EPDR1: variants seen among roughly 807,000 people sequenced by gnomAD.
EPDR1 encodes the protein ependymin related 1.
EPDR1 carries 27 observed loss-of-function variants against 23.7 expected under a neutral mutation model. The observed-to-expected ratio is 1.14, with a 90% CI of 0.84 to 1.57. The LOEUF (loss-of-function observed/expected upper bound fraction) is 1.57. EPDR1 is among the 40% of genes most tolerant of loss of function. EPDR1 has a pLI of 0.00. For missense variants in EPDR1, 349 were observed against 290.4 expected (o/e 1.20, Z -1.47); for synonymous variants, 137 against 118.2 (o/e 1.16, Z -1.03).
intron 1 of EPDR1, among the ~76,000 whole-genome samples, chr7:37,927,034 C>T (rs1312667859): frequency 2.6e-5 from 4 of 152,218 alleles, no homozygotes; most frequent in Admixed American, 6.5e-5. Context: ...CCTTGCTTTC[C>T]GGCACAGCAA....
chr7:37,928,354 C>A (rs1438200019), intron 1 of EPDR1, among the ~76,000 whole-genome samples: 1 of 151,164 alleles, frequency 6.6e-6, no homozygotes, highest in Non-Finnish European at 1.5e-5. Context: ...TAAAAAATTT[C>A]TATTTTCCCC....
At chr7:37,923,857 A>C (rs1229151205) in intron 1 of EPDR1, among the ~76,000 whole-genome samples, 1 of 152,200 alleles carries the variant, frequency 6.6e-6, no homozygotes, top group African/African-American at 2.4e-5. Flanking sequence ...AAATGAGCTC[A>C]AGTGTATAAA....
At chr7:37,921,326 C>G (rs1486762550) in intron 1 of EPDR1, 118 bp downstream of exon 1, 4 of 1,429,268 alleles carry the variant, frequency 2.8e-6, no homozygotes, top group Non-Finnish European at 3.6e-6. Flanking sequence ...CTCCCTTCTC[C>G]CAGAGAGATC....
chr7:37,943,371 C>G (rs1192671659), intron 1 of EPDR1, among the ~76,000 whole-genome samples: 1 of 152,306 alleles, frequency 6.6e-6, no homozygotes, highest in Non-Finnish European at 1.5e-5. Flanking sequence ...TATTCCCGTA[C>G]AGCATCCCCA....
At chr7:37,921,414 GGC>G in intron 1 of EPDR1, 1 of 1,393,790 alleles carries the variant, frequency 7.2e-7, no homozygotes, top group Non-Finnish European at 9.3e-7. Flanking sequence ...GCGGCCTGCT[GGC>G]GGGGGACTCA....
At chr7:37,934,714 T>A (rs1786014645) in intron 1 of EPDR1, among the ~76,000 whole-genome samples, 1 of 152,074 alleles carries the variant, frequency 6.6e-6, no homozygotes, top group Admixed American at 6.5e-5. Flanking sequence ...GGGGCTGATG[T>A]GAGAGGATCA....
chr7:37,947,323 G>A (rs1423872006), intron 1 of EPDR1, among the ~76,000 whole-genome samples: 1 of 152,174 alleles, frequency 6.6e-6, no homozygotes, highest in African/African-American at 2.4e-5. Flanking sequence ...ATACTGTGTA[G>A]CCCTGTTGTG....
At chr7:37,949,663 C>T (rs1400936540) in intron 2 of EPDR1, among the ~76,000 whole-genome samples, 1 of 152,164 alleles carries the variant, frequency 6.6e-6, no homozygotes, top group African/African-American at 2.4e-5. Flanking sequence ...GATATTTGTA[C>T]ACCCATGTCC....
intron 1 of EPDR1, among the ~76,000 whole-genome samples, chr7:37,926,421 T>C (rs1787870528): frequency 6.8e-6 from 1 of 147,460 alleles, no homozygotes; most frequent in African/African-American, 2.5e-5. Flanking sequence ...ATTTTGACCA[T>C]CTGAAATTCA....
rs79929812 is a variant in EPDR1, at chr7:37,921,179, C to G, written c.240C>G (p.Asp80Glu). Residue 80 changes from aspartate (D) to glutamate (E), a missense_variant, in exon 1 of 3, where the codon GAC becomes GAG. Asp to Glu is a conservative substitution (Grantham distance 45). Transcript: ENST00000199448. Reference protein sequence around the residue: ...DGLNQRVRVLDERKALIPCKR... With the variant: ...DGLNQRVRVLEERKALIPCKR... Reference sequence around the variant, plus strand: ...TCAACCAGCGCGTGCGGGTGCTGGACGAGAGGAAGGCGCTGATCCCCTGCA... The same window carrying G: ...TCAACCAGCGCGTGCGGGTGCTGGAGGAGAGGAAGGCGCTGATCCCCTGCA... 306 of 1,592,006 alleles carry G rather than the reference C, an allele frequency of 1.9e-4. No individual in the cohort carries two copies. In the African/African-American group the frequency reaches 3.7e-3, roughly 19 times the overall value.
At chr7:37,921,281 T>A in intron 1 of EPDR1, 73 bp downstream of exon 1, 1 of 1,500,016 alleles carries the variant, frequency 6.7e-7, no homozygotes, top group East Asian at 2.5e-5. Context: ...CGCAGAGGCC[T>A]GCGCCCTGTA....
chr7:37,931,626 C>A (rs920490707), intron 1 of EPDR1, among the ~76,000 whole-genome samples: 1 of 151,876 alleles, frequency 6.6e-6, no homozygotes, highest in African/African-American at 2.4e-5. Flanking sequence ...TTTCTATTAT[C>A]CTTGAATTTT....
At chr7:37,926,624 G>A in intron 1 of EPDR1, 1 of 449,136 alleles carries the variant, frequency 2.2e-6, no homozygotes, top group Non-Finnish European at 4.5e-6. Context: ...TTTGTAGAAT[G>A]TTCCTTGATT....
At chr7:37,934,303 C>T (rs999325969) in intron 1 of EPDR1, among the ~76,000 whole-genome samples, 2 of 152,156 alleles carry the variant, frequency 1.3e-5, no homozygotes, top group African/African-American at 4.8e-5. Flanking sequence ...CATGATGGCT[C>T]GTAGTTCCAA....
At chr7:37,949,951 A>T (rs1479316011) in intron 2 of EPDR1, among the ~76,000 whole-genome samples, 1 of 152,244 alleles carries the variant, frequency 6.6e-6, no homozygotes, top group Non-Finnish European at 1.5e-5. Context: ...GATGAGTTCC[A>T]GGAGCTGGGA....
At chr7:37,949,767 G>A (rs1266386372) in intron 2 of EPDR1, among the ~76,000 whole-genome samples, 1 of 152,168 alleles carries the variant, frequency 6.6e-6, no homozygotes, top group Non-Finnish European at 1.5e-5. Flanking sequence ...TCATACAACA[G>A]AATATTATTC....
At chr7:37,925,370 T>A (rs1444095223) in intron 1 of EPDR1, among the ~76,000 whole-genome samples, 1 of 152,178 alleles carries the variant, frequency 6.6e-6, no homozygotes, top group Non-Finnish European at 1.5e-5. Context: ...ATATGCACAG[T>A]CTGGTATCTT....
At chr7:37,945,602 A>T (rs1213881044) in intron 1 of EPDR1, among the ~76,000 whole-genome samples, 1 of 152,188 alleles carries the variant, frequency 6.6e-6, no homozygotes. Flanking sequence ...TAGCCATAGT[A>T]TGTGGTAGCG....
At position 37,949,973 on chromosome 7, in the gene EPDR1, GGAAGTTCGTGTTTAATGGA is replaced by G. The variant is rs150842575; in HGVS notation, c.479-224_479-206del. 0.014 allele frequency among the ~76,000 whole-genome samples: 2,120 copies of G among 152,272 alleles called. 245 individuals are homozygous for G. The East Asian group carries it at 0.31, about 22-fold the overall frequency. On this transcript the variant is annotated intron_variant, in intron 2 of 2. Transcript: ENST00000199448. The stretch of plus-strand genomic sequence containing the variant: ...TCCAGGAGCTGGGAGAGGAGGAATG[GGAAGTTCGTGTTTAATGGA>G]GACAGAGTTTCAGTTTGGGAAGATG...
Sources: gnomAD v4.1 joint callset for allele counts (sites outside exome capture counted in the v4.1 genomes callset) on GRCh38, gnomAD v4.1.1 for gene constraint, MANE v1.5 for transcripts, NCBI Gene and HGNC (gene_info 2026-07-23, HGNC 2026-07-21) for gene names.